PCDH15: variants seen among roughly 807,000 people sequenced by gnomAD.
PCDH15 encodes protocadherin-15.
A neutral mutation model predicts 178.5 loss-of-function variants in PCDH15; 129 were observed. That is an observed-to-expected ratio of 0.72 (90% CI 0.63 to 0.84). PCDH15 has a LOEUF of 0.84. Among genes scored for constraint, PCDH15 ranks in the 40% least tolerant of loss-of-function variants. PCDH15 has a pLI of 0.00. For missense variants in PCDH15, 2,230 were observed against 2,099.9 expected (o/e 1.06, Z -1.21); for synonymous variants, 800 against 732.0 (o/e 1.09, Z -1.50).
At chr10:55,213,796 A>G (rs72803805) in intron 1 of PCDH15, among the ~76,000 whole-genome samples, 15,271 of 151,756 alleles carry the variant, frequency 0.1, 1,077 homozygotes, top group Non-Finnish European at 0.15. Context: ...ATTATCTTCT[A>G]TCATAACTAT....
At chr10:54,233,066 C>G (rs993134850) in intron 9 of PCDH15, among the ~76,000 whole-genome samples, 4 of 152,006 alleles carry the variant, frequency 2.6e-5, no homozygotes, top group African/African-American at 9.6e-5. Context: ...ACCTTAGCCT[C>G]CTGAGTAGCT....
chr10:54,494,850 G>T lies in PCDH15; in HGVS notation c.157+32962C>A, dbSNP rs189583252. On this transcript the variant is annotated intron_variant, in intron 3 of 37. Coordinates refer to ENST00000644397, the MANE Select transcript of PCDH15 (RefSeq NM_001384140.1). ...AGTCAGAGGCAAGGAAGGACAAGAA[G>T]TAAAAGAGGATGTCTTGGTGGGGTT... is the stretch of plus-strand genomic sequence containing the variant. Among the ~76,000 whole-genome samples the T allele has an allele frequency of 1.4e-3, 205 of 151,548 alleles. 4 individuals carry two copies. The highest frequency in any genetic ancestry group is 0.013 in the Admixed American group (195 of 15,246).
chr10:55,284,158 T>C (rs915420421), intron 1 of PCDH15, among the ~76,000 whole-genome samples: 149 of 152,250 alleles, frequency 9.8e-4, no homozygotes, highest in African/African-American at 3.5e-3. Context: ...CATTTCGTTC[T>C]TTTGTGAGTT....
chr10:54,699,442 T>A (rs993146530), intron 1 of PCDH15, among the ~76,000 whole-genome samples: 1 of 152,044 alleles, frequency 6.6e-6, no homozygotes, highest in Non-Finnish European at 1.5e-5. Context: ...TAACCAGAAG[T>A]AACAAAATCT....
chr10:54,453,346 C>G (rs1301350445), intron 3 of PCDH15, among the ~76,000 whole-genome samples: 1 of 152,068 alleles, frequency 6.6e-6, no homozygotes, highest in Non-Finnish European at 1.5e-5. Context: ...GAATTCATAT[C>G]CTTTGTAGGG....
intron 2 of PCDH15, among the ~76,000 whole-genome samples, chr10:55,516,802 A>G (rs1373846598): frequency 6.6e-6 from 1 of 152,144 alleles, no homozygotes; most frequent in East Asian, 1.9e-4. Flanking sequence ...AATCAAATAG[A>G]TCATTCAATT....
At chr10:55,040,176 T>G (rs1002784000) in intron 2 of PCDH15, among the ~76,000 whole-genome samples, 11 of 152,130 alleles carry the variant, frequency 7.2e-5, no homozygotes, top group African/African-American at 2.4e-4. Context: ...TAAAATCATG[T>G]GCTCTTGTGG....
intron 23 of PCDH15, 136 bp downstream of exon 23, chr10:53,959,596 T>G (rs1376305529): frequency 1.4e-5 from 9 of 659,558 alleles, no homozygotes; most frequent in Non-Finnish European, 2.4e-5. Context: ...TTAAACTATA[T>G]TTTATGTTAA....
Position 53,878,671 on chromosome 10 carries a change from T to C in PCDH15, c.3502-11814A>G, listed in dbSNP as rs192718155. 7.9e-5 allele frequency among the ~76,000 whole-genome samples: 12 copies of C among 151,884 alleles called. 1 individual carries two copies. In the East Asian group the frequency reaches 2.3e-3, roughly 29 times the overall value. ...TATGTTACATAAATGTGTGTGTATA[T>C]ATTAGCATTTATTATGACACGTTTT... On this transcript the variant is annotated intron_variant, in intron 26 of 37. Transcript: ENST00000644397.
At chr10:55,263,125 T>A (rs954434762) in intron 1 of PCDH15, among the ~76,000 whole-genome samples, 61 of 152,282 alleles carry the variant, frequency 4.0e-4, no homozygotes, top group Non-Finnish European at 6.3e-4. Flanking sequence ...TGTGAAACTA[T>A]AGAATCAGTC....
intron 2 of PCDH15, among the ~76,000 whole-genome samples, chr10:55,619,536 G>A (rs913164831): frequency 9.2e-5 from 14 of 151,922 alleles, no homozygotes; most frequent in African/African-American, 3.1e-4. Context: ...AAACTTTCCT[G>A]AACATAAAAT....
At chr10:54,866,013 A>G (rs1291267766) in intron 3 of PCDH15, among the ~76,000 whole-genome samples, 1 of 152,214 alleles carries the variant, frequency 6.6e-6, no homozygotes, top group Non-Finnish European at 1.5e-5. Flanking sequence ...AGTGAATATG[A>G]TCAAGATTTT....
At chr10:54,458,108 A>G (rs916881939) in intron 3 of PCDH15, among the ~76,000 whole-genome samples, 2 of 152,072 alleles carry the variant, frequency 1.3e-5, no homozygotes, top group Non-Finnish European at 2.9e-5. Flanking sequence ...ATTTCTTTCC[A>G]TATGCTTTTC....
At chr10:55,606,818 A>G (rs1167355784) in intron 2 of PCDH15, among the ~76,000 whole-genome samples, 3 of 146,910 alleles carry the variant, frequency 2.0e-5, no homozygotes, top group Non-Finnish European at 4.5e-5. Context: ...AGGCATTACC[A>G]TTCAGGACAT....
intron 3 of PCDH15, among the ~76,000 whole-genome samples, chr10:54,820,903 G>A (rs978348175): frequency 4.0e-5 from 6 of 151,836 alleles, no homozygotes; most frequent in Non-Finnish European, 7.4e-5. Flanking sequence ...GACCCTCAAA[G>A]AACTTTTAAA....
At chr10:54,360,585 T>G (rs1198211641) in intron 5 of PCDH15, among the ~76,000 whole-genome samples, 3 of 152,128 alleles carry the variant, frequency 2.0e-5, no homozygotes, top group African/African-American at 7.2e-5. Flanking sequence ...TTTCATAAAT[T>G]TGTGGGATTC....
intron 1 of PCDH15, among the ~76,000 whole-genome samples, chr10:55,267,991 T>C (rs1257562943): frequency 1.3e-5 from 2 of 152,170 alleles, no homozygotes; most frequent in Non-Finnish European, 2.9e-5. Context: ...CTGAAATTGA[T>C]TATGGAACAA....
intron 2 of PCDH15, among the ~76,000 whole-genome samples, chr10:54,992,519 G>A (rs1389524818): frequency 3.3e-5 from 5 of 152,040 alleles, no homozygotes; most frequent in Non-Finnish European, 5.9e-5. Flanking sequence ...TTGGGAGGCC[G>A]AGGCGGGCAG....
In PCDH15 at chr10:55,198,254, T is replaced by C. The variant is rs551344348; in HGVS notation, c.-155-31603A>G. 7.6e-4 allele frequency among the ~76,000 whole-genome samples: 116 copies of C among 152,268 alleles called. 1 individual carries two copies. Among genetic ancestry groups the C allele is most frequent in the East Asian group, 2.3e-3 (12 of 5,172 alleles). ...TACTGAGTAGAATTTACGTTGCAGC[T>C]TGATATGGTTTGGCTCTGTGTCTCT... is the stretch of plus-strand genomic sequence containing the variant. On this transcript the variant is annotated intron_variant, in intron 1 of 5. Transcript: ENST00000458638.
Sources: gnomAD v4.1 joint callset for allele counts (sites outside exome capture counted in the v4.1 genomes callset) on GRCh38, gnomAD v4.1.1 for gene constraint, MANE v1.5 for transcripts, NCBI Gene and HGNC (gene_info 2026-07-23, HGNC 2026-07-21) for gene names.